Variants in DYM observed in about 807,000 individuals in gnomAD.
DYM encodes dymeclin.
DYM carries 78 observed loss-of-function variants against 93.1 expected under a neutral mutation model. That is an observed-to-expected ratio of 0.84 (90% CI 0.70 to 1.01). The LOEUF (loss-of-function observed/expected upper bound fraction) is 1.01. Among genes scored for constraint, DYM ranks in the 50% least tolerant of loss-of-function variants. DYM has a pLI of 0.00. For missense variants in DYM, 789 were observed against 845.0 expected, an observed-to-expected ratio of 0.93 and a Z score of 0.82; for synonymous variants, 321 against 319.7, an observed-to-expected ratio of 1.00 and a Z score of -0.04.
chr18:49,360,412 A>G (rs1401995840), intron 6 of DYM, among the ~76,000 whole-genome samples: 2 of 152,112 alleles, frequency 1.3e-5, no homozygotes, highest in East Asian at 1.9e-4. Flanking sequence ...ATCACAGGTC[A>G]GGAGTTCAAG....
chr18:49,078,307 T>A (rs2077481372), intron 17 of DYM, among the ~76,000 whole-genome samples: 1 of 152,138 alleles, frequency 6.6e-6, no homozygotes, highest in African/African-American at 2.4e-5. Flanking sequence ...CCATTCTCCA[T>A]GATGTGCTTA....
chr18:49,391,485 A>G, intron 3 of DYM, 108 bp downstream of exon 3: 1 of 1,126,678 alleles, frequency 8.9e-7, no homozygotes, highest in Admixed American at 1.7e-5. Flanking sequence ...AATTATTACT[A>G]TTGCTATCAA....
intron 6 of DYM, among the ~76,000 whole-genome samples, chr18:49,342,951 A>G (rs1411516834): frequency 6.6e-6 from 1 of 152,204 alleles, no homozygotes; most frequent in East Asian, 1.9e-4. Flanking sequence ...CCCCATCATT[A>G]AGCAATGCAT....
At chr18:49,187,087 T>C (rs1357451427) in intron 14 of DYM, among the ~76,000 whole-genome samples, 1 of 152,032 alleles carries the variant, frequency 6.6e-6, no homozygotes, top group African/African-American at 2.4e-5. Flanking sequence ...ACCCAGCTAA[T>C]TTTTTGTATG....
At chr18:49,247,637 A>G (rs2094200509) in intron 13 of DYM, among the ~76,000 whole-genome samples, 1 of 152,234 alleles carries the variant, frequency 6.6e-6, no homozygotes, top group Non-Finnish European at 1.5e-5. Context: ...GAAATAAACA[A>G]TCTGATAAAC....
At chr18:49,106,964 T>C (rs575895141) in intron 16 of DYM, among the ~76,000 whole-genome samples, 41 of 152,368 alleles carry the variant, frequency 2.7e-4, no homozygotes, top group Non-Finnish European at 5.6e-4. Context: ...CCTTGCTAGA[T>C]TGGGGAAGTT....
chr18:49,138,870 T>C (rs184445754), intron 15 of DYM, among the ~76,000 whole-genome samples: 79 of 152,254 alleles, frequency 5.2e-4, no homozygotes, highest in Admixed American at 4.9e-3. Context: ...TATAATACTT[T>C]CAAGAGTTTC....
intron 2 of DYM, among the ~76,000 whole-genome samples, chr18:49,409,628 T>C (rs2071974127): frequency 6.6e-6 from 1 of 152,118 alleles, no homozygotes; most frequent in Non-Finnish European, 1.5e-5. Context: ...GGCAAATTAA[T>C]AAGGAAAAAA....
chr18:49,094,713 G>T (rs1019155153), intron 17 of DYM, among the ~76,000 whole-genome samples: 5 of 152,152 alleles, frequency 3.3e-5, no homozygotes, highest in African/African-American at 1.2e-4. Context: ...TATTTGGTTG[G>T]AAGTCAATTA....
rs946041337 is a variant in DYM at position 49,326,236 on chromosome 18, C to A, written c.763+5628G>T. On this transcript the variant is annotated intron_variant, in intron 8 of 17. Transcript: ENST00000675505. ...TACCAAATTAATTAAAACTGCAACA[C>A]CCTCTTCTAATTAGTAAAGTAATAT... Among the ~76,000 whole-genome samples, 6 of 152,090 alleles carry A rather than the reference C, an allele frequency of 3.9e-5. No homozygotes were observed. In the South Asian group the frequency reaches 8.3e-4, roughly 21 times the overall value.
At chr18:49,248,944 A>G (rs1598892773) in intron 13 of DYM, among the ~76,000 whole-genome samples, 1 of 152,294 alleles carries the variant, frequency 6.6e-6, no homozygotes, top group East Asian at 1.9e-4. Context: ...TTGCTACTAT[A>G]ACTTTAGGTA....
At chr18:49,323,921 T>A (rs2062694254) in intron 8 of DYM, among the ~76,000 whole-genome samples, 1 of 152,098 alleles carries the variant, frequency 6.6e-6, no homozygotes, top group Non-Finnish European at 1.5e-5. Context: ...GCAGATCACT[T>A]GAGGTCAGGA....
chr18:49,137,004 C>T (rs530400338), intron 15 of DYM, among the ~76,000 whole-genome samples: 1 of 152,208 alleles, frequency 6.6e-6, no homozygotes, highest in African/African-American at 2.4e-5. Flanking sequence ...GGCAACAAAG[C>T]TAAAATTTAC....
Position 49,316,214 on chromosome 18 carries a change from G to A in DYM, c.763+15650C>T, listed in dbSNP as rs140010386. On this transcript the variant is annotated intron_variant, in intron 8 of 17. Transcript: ENST00000675505. ...GGAGAATCGCTTGAACCTGGGAGGC[G>A]GAGGTTGCAGTGAGCCAAGATCGCG... Among the ~76,000 whole-genome samples the A allele has an allele frequency of 1.3e-3, 200 of 152,230 alleles. 1 individual carries two copies. Among genetic ancestry groups the A allele is most frequent in the Non-Finnish European group, 3.7e-4 (25 of 68,008 alleles).
intron 15 of DYM, among the ~76,000 whole-genome samples, chr18:49,135,313 T>A (rs747498229): frequency 7.2e-5 from 11 of 152,264 alleles, no homozygotes; most frequent in African/African-American, 2.6e-4. Context: ...GACTCCCCAG[T>A]TGTATGAAAA....
chr18:49,225,751 G>A (rs1265392603), intron 13 of DYM, among the ~76,000 whole-genome samples: 2 of 151,962 alleles, frequency 1.3e-5, no homozygotes, highest in Non-Finnish European at 2.9e-5. Flanking sequence ...TCCAATAAGT[G>A]CTTTCATCCT....
chr18:49,315,578 G>A (rs534692821), intron 8 of DYM, among the ~76,000 whole-genome samples: 3 of 152,202 alleles, frequency 2.0e-5, no homozygotes, highest in East Asian at 1.9e-4. Flanking sequence ...CTTAAATTAC[G>A]CTGCTCTGCA....
At chr18:49,311,762 A>G (rs1329682410) in intron 8 of DYM, among the ~76,000 whole-genome samples, 2 of 151,114 alleles carry the variant, frequency 1.3e-5, no homozygotes, top group Non-Finnish European at 3.0e-5. Flanking sequence ...GCATTAGGAG[A>G]TATACCTAAT....
chr18:49,119,605 T>C (rs62102329), intron 15 of DYM, among the ~76,000 whole-genome samples: 17,511 of 152,204 alleles, frequency 0.12, 1,257 homozygotes, highest in African/African-American at 0.2. Flanking sequence ...ATAACATTGA[T>C]GTGGTTCTCA....
Sources: allele counts gnomAD v4.1 joint callset (sites outside exome capture counted in the v4.1 genomes callset), GRCh38; gene constraint gnomAD v4.1.1; transcripts MANE v1.5; gene names NCBI Gene and HGNC (gene_info 2026-07-23, HGNC 2026-07-21).